Variants in STX17 observed in about 807,000 individuals in gnomAD.
STX17 encodes the protein syntaxin-17.
STX17 carries 29 observed loss-of-function variants against 35.9 expected under a neutral mutation model. The observed-to-expected ratio is 0.81, with a 90% confidence interval of 0.60 to 1.10. The LOEUF is 1.10. STX17 is among the 50% of genes least tolerant of loss of function. The probability of loss-of-function intolerance (pLI) is 0.00; values close to 1 mark genes in which losing one functional copy is unlikely to be tolerated. For missense variants in STX17, 312 were observed against 352.3 expected (o/e 0.89, Z 0.92); for synonymous variants, 92 against 118.3 (o/e 0.78, Z 1.44).
At chr9:99,928,147 C>A (rs1205488541) in intron 2 of STX17, among the ~76,000 whole-genome samples, 2 of 151,970 alleles carry the variant, frequency 1.3e-5, no homozygotes, top group Admixed American at 1.3e-4. Context: ...TGTTTATATT[C>A]TATATAAATA....
Position 99,946,053 on chromosome 9 carries a change from A to G in STX17, c.190-5007A>G, listed in dbSNP as rs12552400. Among the ~76,000 whole-genome samples the G allele has an allele frequency of 9.6e-3, 1,470 of 152,354 alleles. 60 individuals are homozygous for G. Among genetic ancestry groups the G allele is most frequent in the Admixed American group, 0.063 (967 of 15,302 alleles). On this transcript the variant is annotated intron_variant, in intron 3 of 7. Transcript: ENST00000259400. Reference sequence around the variant, plus strand: ...AGCCAAAATCGTGCCACTGCACTCCAGCCTGGGCGATAGAGCAAGACTCCA... The same window carrying G: ...AGCCAAAATCGTGCCACTGCACTCCGGCCTGGGCGATAGAGCAAGACTCCA...
rs746013463 is a variant in STX17 at position 99,951,168 on chromosome 9, G to A, written c.298G>A (p.Ala100Thr). The A allele has an allele frequency of 4.3e-6, 7 of 1,613,118 alleles. No homozygotes were observed. The South Asian group carries it at 5.5e-5, about 13-fold the overall frequency. The part of the protein sequence containing the change: ...MIDPVKEEAS[A>T]ATAEFLQLHL... ...AGATCCTGTTAAAGAAGAAGCATCA[G>A]CAGCAACAGCAGAATTTCTCCAACT... Residue 100 changes from alanine (A) to threonine (T), a missense_variant, in exon 4 of 8, where the codon GCA becomes ACA. Transcript: ENST00000259400.
At chr9:99,949,639 TCTTA>T (rs1587933060) in intron 3 of STX17, among the ~76,000 whole-genome samples, 2 of 152,062 alleles carry the variant, frequency 1.3e-5, no homozygotes, top group South Asian at 2.1e-4. Flanking sequence ...AAAAATTAAT[TCTTA>T]CTTAACTGGT....
chr9:99,967,597 T>C (rs2118546586), intron 6 of STX17, 56 bp from the exon 7 acceptor site: 1 of 1,526,844 alleles, frequency 6.5e-7, no homozygotes, highest in Non-Finnish European at 9.1e-7. Flanking sequence ...ATAGTGTGTG[T>C]TGGCTCCCTG....
rs1181346497 is a variant in STX17 at position 99,960,248 on chromosome 9, A to T, written c.582+93A>T. 3.8e-6 allele frequency: 5 copies of T among 1,299,336 alleles called. No homozygotes were observed. In the Admixed American group the frequency reaches 1.1e-4, roughly 28 times the overall value. The allele number at this position is 1,299,336 out of a possible 1,614,324, so 80.5% of individuals were successfully genotyped here. On this transcript the variant is annotated intron_variant, in intron 6 of 7. Coordinates refer to ENST00000259400, the MANE Select transcript of STX17 (RefSeq NM_017919.3). ...AGGCTTTTAATTAGAATTTTAATAG[A>T]ACTTATAATTTTTAAGACTGGTATT...
chr9:99,938,896 A>G (rs1829295332), intron 3 of STX17, among the ~76,000 whole-genome samples: 1 of 152,154 alleles, frequency 6.6e-6, no homozygotes, highest in Non-Finnish European at 1.5e-5. Context: ...GTGATGATGT[A>G]GAACTTGTTG....
chr9:99,963,236 G>C (rs578100535), intron 6 of STX17, among the ~76,000 whole-genome samples: 2 of 152,210 alleles, frequency 1.3e-5, no homozygotes, highest in East Asian at 3.9e-4. Context: ...TAGGTACCCT[G>C]CTCTATTTTT....
intron 3 of STX17, among the ~76,000 whole-genome samples, chr9:99,930,343 C>CT (rs1829093683): frequency 6.6e-6 from 1 of 151,986 alleles, no homozygotes; most frequent in Non-Finnish European, 1.5e-5. Context: ...TCTCGGCTCA[C>CT]TGCAAGCTCC....
At chr9:99,921,312 T>G (rs747457863) in intron 2 of STX17, among the ~76,000 whole-genome samples, 3 of 152,172 alleles carry the variant, frequency 2.0e-5, no homozygotes, top group Non-Finnish European at 2.9e-5. Context: ...ATTAAATGAA[T>G]TCCATAAGAC....
At chr9:99,965,105 C>T (rs1353806544) in intron 6 of STX17, among the ~76,000 whole-genome samples, 1 of 152,120 alleles carries the variant, frequency 6.6e-6, no homozygotes, top group African/African-American at 2.4e-5. Flanking sequence ...GGGCTACTCC[C>T]CAGGGTGGGA....
intron 1 of STX17, among the ~76,000 whole-genome samples, chr9:99,911,071 T>C (rs549651853): frequency 6.6e-6 from 1 of 151,918 alleles, no homozygotes; most frequent in Non-Finnish European, 1.5e-5. Flanking sequence ...AGTCTCGCTC[T>C]GTTGCCCAAG....
intron 2 of STX17, among the ~76,000 whole-genome samples, chr9:99,920,518 T>A (rs1828866038): frequency 6.6e-6 from 1 of 152,232 alleles, no homozygotes; most frequent in African/African-American, 2.4e-5. Flanking sequence ...TTGCTTTGTA[T>A]GTGAGATAAT....
At chr9:99,921,716 A>G (rs928284954) in intron 2 of STX17, among the ~76,000 whole-genome samples, 1 of 151,668 alleles carries the variant, frequency 6.6e-6, no homozygotes, top group East Asian at 1.9e-4. Flanking sequence ...AATATTTGCA[A>G]GTCTTTAGGA....
rs72746345 is a variant in STX17 at position 99,971,222 on chromosome 9, G to A, written c.*2549G>A. ...TTTACTGCAACAAGTTAGAAAGTGG[G>A]AACACTTTGATTAATGTCTTAAAAT... On this transcript the variant is annotated 3_prime_UTR_variant, in exon 8 of 8. Coordinates refer to ENST00000259400, the MANE Select transcript of STX17 (RefSeq NM_017919.3). Among the ~76,000 whole-genome samples, 8,857 of 151,564 alleles carry A rather than the reference G, an allele frequency of 0.058. 356 individuals carry two copies. Among genetic ancestry groups the A allele is most frequent in the Non-Finnish European group, 0.089 (6,059 of 67,936 alleles).
chr9:99,915,349 T>A lies in STX17; in HGVS notation c.110T>A (p.Ile37Lys), dbSNP rs770719042. The A allele has an allele frequency of 2.5e-6, 4 of 1,601,370 alleles. No homozygotes were observed. The highest frequency in any genetic ancestry group is 1.7e-5 in the Admixed American group (1 of 57,330). Residue 37 changes from isoleucine (I) to lysine (K), a missense_variant, in exon 2 of 8, where the codon ATA (isoleucine) becomes AAA (lysine). Coordinates refer to ENST00000259400, the MANE Select transcript of STX17 (RefSeq NM_017919.3). Reference sequence around the variant, plus strand: ...CTGGAAAGGTTAAGAAAGCACCAGATAAATATTGAGAAGGTGAGCTGTTTC... The same window carrying A: ...CTGGAAAGGTTAAGAAAGCACCAGAAAAATATTGAGAAGGTGAGCTGTTTC... ...TDLERLRKHQ[I>K]NIEKYQRCRI... is the part of the protein sequence containing the mutation.
chr9:99,949,527 ATAACT>A (rs955735767), intron 3 of STX17, among the ~76,000 whole-genome samples: 2 of 152,060 alleles, frequency 1.3e-5, no homozygotes, highest in South Asian at 2.1e-4. Context: ...TTGCCACTAG[ATAACT>A]TAAGTAAATC....
At chr9:99,929,481 C>G (rs968494191) in intron 3 of STX17, among the ~76,000 whole-genome samples, 6 of 151,918 alleles carry the variant, frequency 3.9e-5, no homozygotes, top group Non-Finnish European at 8.8e-5. Context: ...CCTATATTCT[C>G]CACCTACAAG....
intron 3 of STX17, among the ~76,000 whole-genome samples, chr9:99,941,350 A>G (rs1044526785): frequency 2.6e-5 from 4 of 152,184 alleles, no homozygotes; most frequent in Non-Finnish European, 5.9e-5. Context: ...TACTTCCACA[A>G]TAAAATTCCT....
At chr9:99,947,791 T>C (rs2118467370) in intron 3 of STX17, among the ~76,000 whole-genome samples, 1 of 152,302 alleles carries the variant, frequency 6.6e-6, no homozygotes, top group East Asian at 1.9e-4. Flanking sequence ...CATTGAAATT[T>C]TAATCCAAGC....
Sources: gnomAD v4.1 joint callset for allele counts (sites outside exome capture counted in the v4.1 genomes callset) on GRCh38, gnomAD v4.1.1 for gene constraint, MANE v1.5 for transcripts, NCBI Gene and HGNC (gene_info 2026-07-23, HGNC 2026-07-21) for gene names.